DHX58: variants seen among roughly 807,000 people sequenced by gnomAD.
The protein encoded by DHX58 is ATP-dependent RNA helicase DHX58.
In DHX58, 51 loss-of-function variants were observed where a neutral mutation model predicts 65.0. The ratio of observed to expected loss-of-function variants is 0.78; its 90% CI spans 0.63 to 0.99. DHX58 has a LOEUF of 0.99. Among genes scored for constraint, DHX58 ranks in the 50% least tolerant of loss-of-function variants. DHX58 has a pLI of 0.00. For synonymous variants in DHX58, 350 were observed against 365.0 expected, an observed-to-expected ratio of 0.96 and a Z score of 0.47; for missense variants, 773 against 891.8, an observed-to-expected ratio of 0.87 and a Z score of 1.70.
intron 11 of DHX58, 133 bp downstream of exon 11, chr17:42,104,633 C>T (rs1598214542): frequency 7.9e-7 from 1 of 1,260,794 alleles, no homozygotes; most frequent in South Asian, 1.5e-5. Flanking sequence ...TTATTTAAAC[C>T]TTCCCTAGGT....
At position 42,104,903 on chromosome 17, in the gene DHX58, G is replaced by A; in HGVS notation, c.1426C>T (p.Gln476Ter). 1 of 1,614,094 alleles carries A rather than the reference G, an allele frequency of 6.2e-7. No homozygotes were observed. The highest frequency in any genetic ancestry group is 8.5e-7 in the Non-Finnish European group (1 of 1,180,034). ...GTTGCTACAAACGCGTATACACTCT[G>A]ATCGGCCCGGGCACGGCCCCTGGCC... ...VQARGRARAD[Q>*]SVYAFVATEG... Residue 476 changes from glutamine (Q) to a stop codon, truncating the protein, a stop_gained, in exon 11 of 14, where the codon CAG becomes TAG. Transcript: ENST00000251642. LOFTEE classifies it high-confidence loss of function.
intron 8 of DHX58, among the ~76,000 whole-genome samples, chr17:42,106,427 C>A (rs1428413373): frequency 3.2e-5 from 3 of 94,088 alleles, no homozygotes; most frequent in Non-Finnish European, 5.9e-5. Context: ...TGTAGGCGTG[C>A]AGAAGGTGGG....
chr17:42,112,006 A>G, intron 2 of DHX58, 107 bp downstream of exon 2: 1 of 1,347,128 alleles, frequency 7.4e-7, no homozygotes, highest in Non-Finnish European at 1.0e-6. Flanking sequence ...CACTTGAGGG[A>G]GGTGGGGCAG....
Position 42,103,752 on chromosome 17 carries a change from G to A in DHX58, c.1610C>T (p.Ala537Val). 1.9e-6 allele frequency: 3 copies of A among 1,612,054 alleles called. No homozygotes were observed. The highest frequency in any genetic ancestry group is 2.7e-5 in the African/African-American group (2 of 75,042). Residue 537 changes from alanine (A) to valine (V), a missense_variant, in exon 12 of 14, where the codon GCA becomes GTA. Coordinates refer to ENST00000251642, the MANE Select transcript of DHX58 (RefSeq NM_024119.3). ...CTGCCGCTGGTTCTCCCGCTGGGCT[G>A]CCTGGGCCGCCCGCTTGGTCAAGGC... ...QAALTKRAAQAAQRENQRQQF... is the reference protein window; with the variant it reads ...QAALTKRAAQVAQRENQRQQF...
chr17:42,105,154 T>G lies in DHX58; in HGVS notation c.1265A>C (p.Glu422Ala), dbSNP rs368648221. Residue 422 changes from glutamate to alanine, a missense_variant, in exon 10 of 14, where the codon GAA becomes GCA. By Grantham distance (107) the Glu-to-Ala change is moderately radical. Transcript: ENST00000251642. ...STHMTQRDQQEVIQKFQDGTL... is the reference protein window; with the variant it reads ...STHMTQRDQQAVIQKFQDGTL... Reference sequence around the variant, plus strand: ...TCCATCTTGGAACTTCTGGATCACTTCTTGCTGGTCCCTCTGCAGGCGGAG... The same window carrying G: ...TCCATCTTGGAACTTCTGGATCACTGCTTGCTGGTCCCTCTGCAGGCGGAG... 13 of 1,612,700 alleles carry G rather than the reference T, an allele frequency of 8.1e-6. No individual in the cohort carries two copies. The highest frequency in any genetic ancestry group is 1.1e-5 in the Non-Finnish European group (13 of 1,179,330).
Position 42,105,182 on chromosome 17 carries a change from C to T in DHX58, c.1252-15G>A, listed in dbSNP as rs781959220. On this transcript the variant is annotated splice_polypyrimidine_tract_variant and intron_variant, in intron 9 of 13. Coordinates refer to ENST00000251642, the MANE Select transcript of DHX58 (RefSeq NM_024119.3). ...TGCTGGTCCCTCTGCAGGCGGAGGG[C>T]AGGGAGGAGAAAGAGGCTGGTACAT... 1 of 1,596,604 alleles carries T rather than the reference C, an allele frequency of 6.3e-7. No homozygotes were observed. Among genetic ancestry groups the T allele is most frequent in the South Asian group, 1.1e-5 (1 of 88,954 alleles).
intron 8 of DHX58, 47 bp from the exon 9 acceptor site, chr17:42,106,036 T>C: frequency 6.4e-7 from 1 of 1,571,002 alleles, no homozygotes; most frequent in Non-Finnish European, 8.6e-7. Context: ...CACATGTCTG[T>C]AGTCCCAGAT....
At position 42,105,851 on chromosome 17, in the gene DHX58, C is replaced by T. The variant is rs2054049541; in HGVS notation, c.1136G>A (p.Ser379Asn). ...RGIIFTRTRQ[S>N]AHSLLLWLQQ... ...GAGCCAGAGCAGGAGGGAGTGTGCG[C>T]TTTGGCGGGTGCGGGTGAAGATGAT... The change falls in exon 9 of 14, where the codon AGC becomes AAC. Residue 379 changes from serine to asparagine, a missense_variant. Coordinates refer to ENST00000251642, the MANE Select transcript of DHX58 (RefSeq NM_024119.3). 6.2e-7 allele frequency: 1 copy of T among 1,614,014 alleles called. No individual in the cohort carries two copies. The highest frequency in any genetic ancestry group is 8.5e-7 in the Non-Finnish European group (1 of 1,180,022).
At chr17:42,108,145 C>T in intron 6 of DHX58, 37 bp from the exon 7 acceptor site, 2 of 1,613,604 alleles carry the variant, frequency 1.2e-6, no homozygotes, top group Non-Finnish European at 1.7e-6. Flanking sequence ...TTCCCATACA[C>T]GTTGGAGGAT....
intron 5 of DHX58, 107 bp from the exon 6 acceptor site, chr17:42,109,493 C>T (rs13380800): frequency 4.8e-5 from 43 of 887,612 alleles, no homozygotes; most frequent in Non-Finnish European, 5.6e-5. Context: ...TGTGGGCATT[C>T]GTCTACTCAA....
rs192651225 is a variant in DHX58 at position 42,104,206 on chromosome 17, G to A, written c.1564-408C>T. 1.5e-4 allele frequency among the ~76,000 whole-genome samples: 23 copies of A among 150,996 alleles called. No individual in the cohort carries two copies. The East Asian group carries it at 1.9e-3, about 13-fold the overall frequency. On this transcript the variant is annotated intron_variant, in intron 11 of 13. Coordinates refer to ENST00000251642, the MANE Select transcript of DHX58 (RefSeq NM_024119.3). ...GGGTGACAGAGTGAGACTCCGTCTC[G>A]GGGAAAAAAAAAAAAACAGCTATGG...
Position 42,105,741 on chromosome 17 carries a change from T to C in DHX58, c.1246A>G (p.Thr416Ala). The change falls in exon 9 of 14, where the codon ACC becomes GCC. Residue 416 changes from threonine to alanine, a missense_variant. By Grantham distance (58) the Thr-to-Ala change is moderately conservative. Coordinates refer to ENST00000251642, the MANE Select transcript of DHX58 (RefSeq NM_024119.3). ...TCTTTCCCCGAAGCCCACACCTGGGTCATGTGGGTGCTCTGGCTGCTGTTC... is the reference window on the plus strand; with the variant it reads ...TCTTTCCCCGAAGCCCACACCTGGGCCATGTGGGTGCTCTGGCTGCTGTTC... ...AGNSSQSTHMTQRDQQEVIQK... is the reference protein window; with the variant it reads ...AGNSSQSTHMAQRDQQEVIQK... The C allele has an allele frequency of 6.4e-7, 1 of 1,572,968 alleles. No homozygotes were observed. The highest frequency in any genetic ancestry group is 2.3e-5 in the East Asian group (1 of 44,076).
intron 13 of DHX58, 72 bp from the exon 14 acceptor site, chr17:42,102,018 T>G (rs2053987017): frequency 6.6e-7 from 1 of 1,517,824 alleles, no homozygotes; most frequent in Non-Finnish European, 8.9e-7. Context: ...CAAGTTGGAA[T>G]TCCCTGAATA....
chr17:42,111,960 C>A, intron 2 of DHX58, 67 bp from the exon 3 acceptor site: 1 of 1,549,960 alleles, frequency 6.5e-7, no homozygotes, highest in Non-Finnish European at 8.7e-7. Flanking sequence ...CCAGACCAGT[C>A]AGTACAGAGA....
At chr17:42,104,703 C>T in intron 11 of DHX58, 63 bp downstream of exon 11, 1 of 1,588,854 alleles carries the variant, frequency 6.3e-7, no homozygotes, top group South Asian at 1.1e-5. Flanking sequence ...CAGTCAGAAA[C>T]CTGCCAGGGA....
intron 5 of DHX58, among the ~76,000 whole-genome samples, chr17:42,110,231 A>C (rs2054129078): frequency 6.6e-6 from 1 of 151,914 alleles, no homozygotes. Flanking sequence ...TGCAGAGCGC[A>C]TTAACAAGCT....
Position 42,101,863 on chromosome 17 carries a change from C to G in DHX58, c.1935G>C (p.Gly645=). 1 of 1,614,244 alleles carries G rather than the reference C, an allele frequency of 6.2e-7. No homozygotes were observed. The highest frequency in any genetic ancestry group is 1.1e-5 in the South Asian group (1 of 91,090). ...VRSMLLETPQ[G]RIQAKKWSRV... ...GGGACCACTTTTTGGCCTGGATCCGCCCCTGAGGGGTCTCCAGCAGCATGC... is the reference window on the plus strand; with the variant it reads ...GGGACCACTTTTTGGCCTGGATCCGGCCCTGAGGGGTCTCCAGCAGCATGC... The change falls in exon 14 of 14, where the codon GGG becomes GGC. Residue 645 remains glycine (G), a synonymous_variant. Transcript: ENST00000251642.
chr17:42,110,776 G>C lies in DHX58; in HGVS notation c.508C>G (p.Pro170Ala). 1 of 1,613,482 alleles carries C rather than the reference G, an allele frequency of 6.2e-7. No homozygotes were observed. Among genetic ancestry groups the C allele is most frequent in the Non-Finnish European group, 8.5e-7 (1 of 1,179,728 alleles). Residue 170 changes from proline to alanine, a missense_variant, in exon 5 of 14, where the codon CCA becomes GCA. Transcript: ENST00000251642. ...LPQVLGLTAS[P>A]GTGGASKLDG... is the part of the protein sequence containing the mutation. ...AGTTTGGAGGCCCCGCCAGTGCCTGGGGAGGCTGTGAGACCCAGCACCTGG... is the reference window on the plus strand; with the variant it reads ...AGTTTGGAGGCCCCGCCAGTGCCTGCGGAGGCTGTGAGACCCAGCACCTGG...
chr17:42,106,110 G>A lies in DHX58; in HGVS notation c.998-121C>T, dbSNP rs920396982. ...GGAGGTCAAGGCTGAAGAGAGCTAT[G>A]ATTGCACCACTGCACTCCAGGCTGT... On this transcript the variant is annotated intron_variant, in intron 8 of 13. Transcript: ENST00000251642. The A allele has an allele frequency of 1.3e-5, 13 of 999,044 alleles. No individual in the cohort carries two copies. The African/African-American group carries it at 2.2e-4, about 17-fold the overall frequency. 61.9% of individuals were successfully genotyped at this position (999,044 alleles called of 1,614,324 possible).
Sources: gnomAD v4.1 joint callset for allele counts (sites outside exome capture counted in the v4.1 genomes callset) on GRCh38, gnomAD v4.1.1 for gene constraint, MANE v1.5 for transcripts, NCBI Gene and HGNC (gene_info 2026-07-23, HGNC 2026-07-21) for gene names.